SGCD: variants seen among roughly 807,000 people sequenced by gnomAD.
SGCD encodes delta-sarcoglycan.
In SGCD, 18 loss-of-function variants were observed where a neutral mutation model predicts 36.6. The ratio of observed to expected loss-of-function variants is 0.49; its 90% CI spans 0.34 to 0.73. SGCD has a LOEUF of 0.73. SGCD is among the 30% of genes least tolerant of loss of function. The pLI, the probability that SGCD is intolerant of heterozygous loss-of-function variation, is 0.01. For missense variants in SGCD, 387 were observed against 346.7 expected (o/e 1.12, Z -0.92); for synonymous variants, 133 against 130.6 (o/e 1.02, Z -0.12).
intron 1 of SGCD, among the ~76,000 whole-genome samples, chr5:156,072,244 G>C (rs1228675049): frequency 6.6e-6 from 1 of 152,064 alleles, no homozygotes; most frequent in African/African-American, 2.4e-5. Context: ...TTTACAATTT[G>C]GCATGATTTT....
intron 2 of SGCD, among the ~76,000 whole-genome samples, chr5:156,119,707 C>T (rs556517719): frequency 6.6e-6 from 1 of 152,262 alleles, no homozygotes; most frequent in African/African-American, 2.4e-5. Context: ...TGCTCCCACT[C>T]TCCCTGGTTT....
intron 1 of SGCD, among the ~76,000 whole-genome samples, chr5:156,049,256 T>C (rs1313420692): frequency 1.4e-5 from 2 of 145,998 alleles, no homozygotes; most frequent in African/African-American, 2.5e-5. Flanking sequence ...AGTCAGGTAG[T>C]GTGATGCCTC....
intron 7 of SGCD, among the ~76,000 whole-genome samples, chr5:156,683,637 G>A (rs80069245): frequency 0.017 from 2,641 of 152,298 alleles, 33 homozygotes; most frequent in Non-Finnish European, 0.029. Context: ...GACAAAGCCA[G>A]CAGTTACAAA....
At chr5:156,186,959 G>T (rs1318346593) in intron 3 of SGCD, among the ~76,000 whole-genome samples, 1 of 151,976 alleles carries the variant, frequency 6.6e-6, no homozygotes, top group African/African-American at 2.4e-5. Flanking sequence ...ACTAAGTTTT[G>T]GAAACTCAAA....
chr5:156,634,697 T>C (rs1762760038), intron 6 of SGCD, among the ~76,000 whole-genome samples: 1 of 152,100 alleles, frequency 6.6e-6, no homozygotes, highest in Non-Finnish European at 1.5e-5. Context: ...TTGTGGTAGA[T>C]ACATGACGCA....
chr5:156,436,565 T>C (rs1753255977), intron 3 of SGCD, among the ~76,000 whole-genome samples: 2 of 152,184 alleles, frequency 1.3e-5, no homozygotes, highest in South Asian at 4.1e-4. Flanking sequence ...TCCACTCCTG[T>C]GATGGAGATG....
intron 3 of SGCD, among the ~76,000 whole-genome samples, chr5:156,470,048 A>G (rs977360750): frequency 2.0e-5 from 3 of 152,358 alleles, no homozygotes; most frequent in Admixed American, 1.3e-4. Flanking sequence ...TGTATACATT[A>G]TATTCAATGT....
At chr5:155,782,237 C>T in the SGCD span, among the ~76,000 whole-genome samples, 1 of 152,010 alleles carries the variant, frequency 6.6e-6, no homozygotes, top group South Asian at 2.1e-4. Context: ...GTTAGCCAGG[C>T]TGGTCTCGAA....
At chr5:155,851,817 G>C in the SGCD span, among the ~76,000 whole-genome samples, 2 of 152,206 alleles carry the variant, frequency 1.3e-5, no homozygotes, top group African/African-American at 4.8e-5. Flanking sequence ...GTGGGAAACG[G>C]TGTAGTATAG....
In SGCD at chr5:156,453,953, T is replaced by C. The variant is rs552051921; in HGVS notation, c.193-54648T>C. On this transcript the variant is annotated intron_variant, in intron 3 of 8. Coordinates refer to ENST00000337851, the MANE Select transcript of SGCD (RefSeq NM_000337.6). ...CAGACCAGCAGTTGCTTGGGGCCAA[T>C]GGTGATGGGAGAGAATGTATTGCAA... Among the ~76,000 whole-genome samples, 4 of 152,246 alleles carry C rather than the reference T, an allele frequency of 2.6e-5. No individual in the cohort carries two copies. In the South Asian group the frequency reaches 6.2e-4, roughly 24 times the overall value.
At chr5:156,032,051 T>C (rs1759358651) in intron 1 of SGCD, among the ~76,000 whole-genome samples, 1 of 152,210 alleles carries the variant, frequency 6.6e-6, no homozygotes, top group Non-Finnish European at 1.5e-5. Flanking sequence ...TACATATCAG[T>C]GTGTATCTCT....
intron 1 of SGCD, among the ~76,000 whole-genome samples, chr5:155,963,768 G>A (rs915421160): frequency 2.6e-5 from 4 of 151,980 alleles, no homozygotes; most frequent in African/African-American, 7.2e-5. Context: ...GATGCATTCA[G>A]TAGGGACTTA....
chr5:155,799,812 C>CTTTTTTTTTTTT, the SGCD span, among the ~76,000 whole-genome samples: 3 of 58,762 alleles, frequency 5.1e-5, no homozygotes, highest in Non-Finnish European at 9.0e-5. Flanking sequence ...TCCTATTCCC[C>CTTTTTTTTTTTT]TTTTTTTTTT....
At chr5:156,729,317 C>T (rs1231383722) in intron 7 of SGCD, among the ~76,000 whole-genome samples, 1 of 152,206 alleles carries the variant, frequency 6.6e-6, no homozygotes. Context: ...ATCCCCCTGA[C>T]TGGCATTGAC....
At chr5:156,124,974 C>A (rs191668939) in intron 3 of SGCD, among the ~76,000 whole-genome samples, 356 of 152,208 alleles carry the variant, frequency 2.3e-3, no homozygotes, top group Non-Finnish European at 4.3e-3. Flanking sequence ...GGTCAGGGGC[C>A]AGGCTCATTC....
intron 6 of SGCD, among the ~76,000 whole-genome samples, chr5:156,606,671 A>G (rs1351716431): frequency 6.6e-6 from 1 of 152,118 alleles, no homozygotes; most frequent in Admixed American, 6.5e-5. Flanking sequence ...GATTCTTCCT[A>G]CCCATGAACA....
chr5:156,106,442 G>A (rs1761652023), intron 1 of SGCD, among the ~76,000 whole-genome samples: 1 of 152,140 alleles, frequency 6.6e-6, no homozygotes, highest in African/African-American at 2.4e-5. Context: ...TGAAGCAGGT[G>A]TGTTTTGTTC....
At position 156,761,746 on chromosome 5, in the gene SGCD, G is replaced by A. The variant is rs1757503934; in HGVS notation, c.*2356G>A. On this transcript the variant is annotated 3_prime_UTR_variant, in exon 9 of 9. Coordinates refer to ENST00000337851, the MANE Select transcript of SGCD (RefSeq NM_000337.6). Reference sequence around the variant, plus strand: ...GATTTTGTTCTAATCACCACGTGAAGGAATGAGATTAGCACCACAAGTTTC... The same window carrying A: ...GATTTTGTTCTAATCACCACGTGAAAGAATGAGATTAGCACCACAAGTTTC... 1 of 152,162 alleles carries A rather than the reference G, an allele frequency of 6.6e-6. No individual in the cohort carries two copies. The highest frequency in any genetic ancestry group is 1.5e-5 in the Non-Finnish European group (1 of 68,032). The allele number at this position is 152,162 out of a possible 1,614,324, so 9.4% of individuals were successfully genotyped here. A position where few individuals can be genotyped will look rare whatever the true frequency, so the allele number is the denominator to read the frequency against.
chr5:156,418,260 A>G (rs1267216276), intron 3 of SGCD, among the ~76,000 whole-genome samples: 1 of 152,172 alleles, frequency 6.6e-6, no homozygotes, highest in Non-Finnish European at 1.5e-5. Context: ...CATAAAATTA[A>G]GTCTTGATGT....
Sources: gnomAD v4.1 joint callset for allele counts (sites outside exome capture counted in the v4.1 genomes callset) on GRCh38, gnomAD v4.1.1 for gene constraint, MANE v1.5 for transcripts, NCBI Gene and HGNC (gene_info 2026-07-23, HGNC 2026-07-21) for gene names.